KLF8: variants seen among roughly 807,000 people sequenced by gnomAD.
KLF8 encodes KLF transcription factor 8.
A neutral mutation model predicts 18.2 loss-of-function variants in KLF8; 10 were observed. The observed-to-expected ratio is 0.55, with a 90% confidence interval of 0.34 to 0.93. The LOEUF (loss-of-function observed/expected upper bound fraction) is 0.93. Ranked by LOEUF, KLF8 falls within the 40% of genes least tolerant of loss-of-function variation. The pLI is 0.02. For missense variants in KLF8, 264 were observed against 277.9 expected (o/e 0.95, Z 0.36); for synonymous variants, 109 against 97.3 (o/e 1.12, Z -0.71).
the KLF8 span, among the ~76,000 whole-genome samples, chrX:56,225,888 T>A: frequency 8.9e-6 from 1 of 112,485 alleles, no homozygotes; most frequent in Non-Finnish European, 1.9e-5. Flanking sequence ...AGGCAGTGTG[T>A]TCAGAGTTGA....
chrX:56,191,650 G>A, the KLF8 span, among the ~76,000 whole-genome samples: 1 of 111,635 alleles, frequency 9.0e-6, no homozygotes, highest in African/African-American at 3.2e-5. Context: ...TTCAGAACAT[G>A]CAAATTAATC....
chrX:55,982,839 C>T, the KLF8 span, among the ~76,000 whole-genome samples: 1 of 112,256 alleles, frequency 8.9e-6, no homozygotes, highest in Non-Finnish European at 1.9e-5. Flanking sequence ...TGCAACTTTT[C>T]TGTCTCCCTG....
intron 2 of KLF8, among the ~76,000 whole-genome samples, chrX:56,263,034 A>T (rs1477803786): frequency 8.9e-6 from 1 of 112,235 alleles, no homozygotes; most frequent in Non-Finnish European, 1.9e-5. Flanking sequence ...GATTCCTTGG[A>T]TTCTATCTTT....
chrX:56,108,567 T>G, the KLF8 span, among the ~76,000 whole-genome samples: 1 of 112,349 alleles, frequency 8.9e-6, no homozygotes, highest in Admixed American at 9.4e-5. Context: ...TGTTAGTTAT[T>G]TGCATCTTTA....
the KLF8 span, among the ~76,000 whole-genome samples, chrX:56,162,424 G>A: frequency 4.5e-5 from 5 of 111,913 alleles, no homozygotes; most frequent in East Asian, 2.8e-4. Flanking sequence ...CACCCAGTTC[G>A]AGTTTCCCAG....
chrX:56,019,850 A>T, the KLF8 span, among the ~76,000 whole-genome samples: 3 of 111,882 alleles, frequency 2.7e-5, no homozygotes, highest in African/African-American at 9.7e-5. Flanking sequence ...CTAGAACTCT[A>T]TTCAGAGAAC....
the KLF8 span, among the ~76,000 whole-genome samples, chrX:56,131,597 G>A: frequency 1.8e-5 from 2 of 110,794 alleles, no homozygotes; most frequent in Non-Finnish European, 3.8e-5. Context: ...AGGTATTCAG[G>A]CACAAATAGC....
chrX:56,155,329 A>G, the KLF8 span, among the ~76,000 whole-genome samples: 2 of 111,421 alleles, frequency 1.8e-5, no homozygotes, highest in Non-Finnish European at 3.8e-5. Context: ...GCTGGAAACC[A>G]TCATTCTCAG....
the KLF8 span, among the ~76,000 whole-genome samples, chrX:56,209,040 C>T: frequency 9.0e-6 from 1 of 111,634 alleles, no homozygotes; most frequent in African/African-American, 3.3e-5. Context: ...GAAGATCTGG[C>T]CAATCCTGAA....
intron 1 of KLF8, among the ~76,000 whole-genome samples, chrX:56,248,491 C>G (rs1046660608): frequency 1.8e-5 from 2 of 111,860 alleles, no homozygotes; most frequent in South Asian, 7.6e-4. Context: ...CAGAATCACT[C>G]TGCTTCCTCA....
chrX:56,214,420 A>C, the KLF8 span, among the ~76,000 whole-genome samples: 1 of 112,152 alleles, frequency 8.9e-6, no homozygotes, highest in African/African-American at 3.2e-5. Flanking sequence ...GATTTGTGTC[A>C]CACCCCTGCC....
chrX:56,175,015 C>G, the KLF8 span, among the ~76,000 whole-genome samples: 4 of 111,513 alleles, frequency 3.6e-5, no homozygotes, highest in East Asian at 1.1e-3. Flanking sequence ...TGTCAGCAGT[C>G]TATCAATTTT....
the KLF8 span, among the ~76,000 whole-genome samples, chrX:55,945,693 C>T: frequency 1.8e-5 from 2 of 111,174 alleles, no homozygotes; most frequent in East Asian, 5.6e-4. Flanking sequence ...AAGAGGAAGT[C>T]AAATTGTCCC....
At chrX:56,187,826 C>G in the KLF8 span, among the ~76,000 whole-genome samples, 2 of 111,934 alleles carry the variant, frequency 1.8e-5, no homozygotes, top group Non-Finnish European at 3.8e-5. Context: ...TTCAACAATG[C>G]TTCATGCTAA....
chrX:56,143,833 C>T, the KLF8 span, among the ~76,000 whole-genome samples: 1 of 111,725 alleles, frequency 9.0e-6, no homozygotes, highest in Non-Finnish European at 1.9e-5. Flanking sequence ...AAGTTCAGTG[C>T]CTGATATATA....
chrX:56,276,396 A>G (rs2067123498), intron 5 of KLF8, among the ~76,000 whole-genome samples: 1 of 111,221 alleles, frequency 9.0e-6, no homozygotes, highest in African/African-American at 3.3e-5. Flanking sequence ...TTTCTTTCTG[A>G]TTGAAGTACT....
the KLF8 span, among the ~76,000 whole-genome samples, chrX:56,084,436 GA>G: frequency 2.2e-3 from 235 of 108,092 alleles, 2 homozygotes; most frequent in African/African-American, 6.9e-3. Context: ...TCTCTGCAAG[GA>G]AAAAAAAACA....
At chrX:56,192,203 A>C in the KLF8 span, among the ~76,000 whole-genome samples, 2 of 112,050 alleles carry the variant, frequency 1.8e-5, no homozygotes, top group African/African-American at 6.5e-5. Flanking sequence ...AATAAGAATC[A>C]AGAAAGCAAT....
At chrX:56,122,300 A>G in the KLF8 span, among the ~76,000 whole-genome samples, 1 of 112,021 alleles carries the variant, frequency 8.9e-6, no homozygotes, top group Non-Finnish European at 1.9e-5. Context: ...CTGGATTCCA[A>G]TCATGGCCCC....
Sources: gnomAD v4.1 joint callset for allele counts (sites outside exome capture counted in the v4.1 genomes callset) on GRCh38, gnomAD v4.1.1 for gene constraint, MANE v1.5 for transcripts, NCBI Gene and HGNC (gene_info 2026-07-23, HGNC 2026-07-21) for gene names.